Variants in BRD10 observed in about 807,000 individuals in gnomAD.
The protein encoded by BRD10 is bromodomain containing 10.
the BRD10 span, among the ~76,000 whole-genome samples, chr9:5,930,172 CAT>C: frequency 4.2e-3 from 587 of 140,884 alleles, 4 homozygotes; most frequent in African/African-American, 0.014. Flanking sequence ...ACACAATCCA[CAT>C]GTTTTCTTTC....
chr9:5,986,217 T>C, the BRD10 span, among the ~76,000 whole-genome samples: 3 of 152,190 alleles, frequency 2.0e-5, no homozygotes, highest in African/African-American at 7.2e-5. Flanking sequence ...AGTGAGAACA[T>C]GTGGTGTTTA....
At chr9:5,958,297 T>C in the BRD10 span, among the ~76,000 whole-genome samples, 1 of 152,224 alleles carries the variant, frequency 6.6e-6, no homozygotes, top group Non-Finnish European at 1.5e-5. Flanking sequence ...ACTCTAGTTT[T>C]CTAGAATCTG....
chr9:5,954,025 T>C, the BRD10 span: 1 of 1,558,176 alleles, frequency 6.4e-7, no homozygotes, highest in Admixed American at 1.9e-5. Flanking sequence ...CCTGAAACTC[T>C]GGTACAGTAG....
chr9:5,968,007 G>T, the BRD10 span: 2 of 1,439,484 alleles, frequency 1.4e-6, no homozygotes, highest in Non-Finnish European at 9.4e-7. Context: ...CCATCCATTT[G>T]TGTTAGCTTA....
the BRD10 span, among the ~76,000 whole-genome samples, chr9:5,889,637 T>C: frequency 6.6e-6 from 1 of 151,914 alleles, no homozygotes; most frequent in Non-Finnish European, 1.5e-5. Flanking sequence ...ATACAAAAAT[T>C]TGCCAGGTGT....
chr9:5,897,784 C>T, the BRD10 span: 1 of 794,822 alleles, frequency 1.3e-6, no homozygotes, highest in Non-Finnish European at 2.1e-6. Context: ...CTTCTGATGC[C>T]TCTTTTGCTA....
the BRD10 span, among the ~76,000 whole-genome samples, chr9:5,987,203 T>C: frequency 6.6e-6 from 1 of 152,204 alleles, no homozygotes; most frequent in Non-Finnish European, 1.5e-5. Flanking sequence ...ATATCACTAC[T>C]ATTATTACAA....
At chr9:5,933,718 A>G in the BRD10 span, 1 of 465,916 alleles carries the variant, frequency 2.1e-6, no homozygotes, top group Non-Finnish European at 4.5e-6. Flanking sequence ...CTGCATCTCT[A>G]TGTATGTGAA....
chr9:5,891,315 T>C, the BRD10 span: 1 of 152,236 alleles, frequency 6.6e-6, no homozygotes, highest in Non-Finnish European at 1.5e-5. Context: ...ATGGGATGTA[T>C]TAAAACAATT....
At chr9:5,917,392 A>C in the BRD10 span, among the ~76,000 whole-genome samples, 2 of 152,208 alleles carry the variant, frequency 1.3e-5, no homozygotes, top group Admixed American at 1.3e-4. Flanking sequence ...AGTGAACAAG[A>C]GGGAGAACAG....
chr9:5,961,903 A>G, the BRD10 span, among the ~76,000 whole-genome samples: 3 of 152,196 alleles, frequency 2.0e-5, no homozygotes, highest in African/African-American at 7.2e-5. Flanking sequence ...CGGTCTATCA[A>G]TTTTGTTGAT....
At chr9:5,885,051 CCCTGTGGT>C in the BRD10 span, among the ~76,000 whole-genome samples, 1 of 152,182 alleles carries the variant, frequency 6.6e-6, no homozygotes, top group African/African-American at 2.4e-5. Context: ...AGGAGGGAGT[CCCTGTGGT>C]CCTCCATTTC....
the BRD10 span, chr9:6,007,388 C>T: frequency 1.9e-6 from 3 of 1,610,346 alleles, no homozygotes; most frequent in Admixed American, 1.7e-5. Flanking sequence ...ATGCCCTGTC[C>T]GGGCTGCTGC....
the BRD10 span, among the ~76,000 whole-genome samples, chr9:5,940,959 T>C: frequency 2.6e-5 from 4 of 152,304 alleles, no homozygotes; most frequent in African/African-American, 7.2e-5. Context: ...AAGAGGTTTT[T>C]TTCCTTATAA....
the BRD10 span, among the ~76,000 whole-genome samples, chr9:5,952,004 T>TTTAC: frequency 8.0e-6 from 1 of 125,724 alleles, no homozygotes; most frequent in African/African-American, 2.9e-5. Flanking sequence ...AAGAGACTTA[T>TTTAC]TTATTTATTT....
chr9:6,000,879 T>C, the BRD10 span, among the ~76,000 whole-genome samples: 1 of 152,200 alleles, frequency 6.6e-6, no homozygotes, highest in African/African-American at 2.4e-5. Flanking sequence ...CTCCCTTGTA[T>C]TTTTACTAGA....
At chr9:5,934,657 C>A in the BRD10 span, among the ~76,000 whole-genome samples, 2 of 151,988 alleles carry the variant, frequency 1.3e-5, no homozygotes, top group Admixed American at 6.6e-5. Flanking sequence ...CGAGCCACTG[C>A]GCCCGGCCAT....
At chr9:5,882,456 A>G in the BRD10 span, among the ~76,000 whole-genome samples, 1 of 152,188 alleles carries the variant, frequency 6.6e-6, no homozygotes, top group African/African-American at 2.4e-5. Flanking sequence ...ACCCTGACAA[A>G]TTGAACCCTG....
chr9:5,939,052 GA>G, the BRD10 span, among the ~76,000 whole-genome samples: 1 of 152,184 alleles, frequency 6.6e-6, no homozygotes, highest in South Asian at 2.1e-4. Context: ...AATGGGACAT[GA>G]AATGGAGAGA....
Sources: gnomAD v4.1 joint callset for allele counts (sites outside exome capture counted in the v4.1 genomes callset) on GRCh38, gnomAD v4.1.1 for gene constraint, MANE v1.5 for transcripts, NCBI Gene and HGNC (gene_info 2026-07-23, HGNC 2026-07-21) for gene names.